EFCAB6: variants seen among roughly 807,000 people sequenced by gnomAD.
The protein encoded by EFCAB6 is EF-hand calcium binding domain 6.
A neutral mutation model predicts 169.8 loss-of-function variants in EFCAB6; 156 were observed. That is an observed-to-expected ratio of 0.92 (90% CI 0.81 to 1.05). The LOEUF is 1.05. EFCAB6 is among the 50% of genes least tolerant of loss of function. EFCAB6 has a pLI of 0.00. For synonymous variants in EFCAB6, 698 were observed against 676.4 expected (o/e 1.03, Z -0.50); for missense variants, 1,800 against 1,829.1 (o/e 0.98, Z 0.29).
At chr22:43,548,974 C>T (rs1189513724) in intron 27 of EFCAB6, among the ~76,000 whole-genome samples, 1 of 152,070 alleles carries the variant, frequency 6.6e-6, no homozygotes, top group African/African-American at 2.4e-5. Flanking sequence ...AAATTAATAA[C>T]TTTAAACATC....
intron 8 of EFCAB6, among the ~76,000 whole-genome samples, chr22:43,724,081 T>C (rs1251053068): frequency 1.3e-5 from 2 of 152,226 alleles, no homozygotes; most frequent in Admixed American, 1.3e-4. Flanking sequence ...TTGTAAGTTT[T>C]ATCTTTGTCA....
At chr22:43,694,552 C>A (rs959736259) in intron 10 of EFCAB6, among the ~76,000 whole-genome samples, 5 of 151,918 alleles carry the variant, frequency 3.3e-5, no homozygotes, top group African/African-American at 1.2e-4. Context: ...AAACAAAATT[C>A]TTAACAAAAT....
intron 27 of EFCAB6, among the ~76,000 whole-genome samples, chr22:43,546,367 T>G (rs1216787643): frequency 1.3e-5 from 2 of 151,742 alleles, no homozygotes; most frequent in Non-Finnish European, 2.9e-5. Flanking sequence ...CCGCCTGGAG[T>G]GCTTGCTAAC....
intron 8 of EFCAB6, among the ~76,000 whole-genome samples, chr22:43,726,147 G>C (rs545793531): frequency 6.6e-6 from 1 of 152,062 alleles, no homozygotes; most frequent in Non-Finnish European, 1.5e-5. Flanking sequence ...TTAAAAATCT[G>C]CTGCCAATTA....
At chr22:43,685,794 GA>G (rs1283087179) in intron 11 of EFCAB6, among the ~76,000 whole-genome samples, 1 of 152,052 alleles carries the variant, frequency 6.6e-6, no homozygotes, top group African/African-American at 2.4e-5. Flanking sequence ...ATTTCTTTAG[GA>G]ATATGGTTCA....
intron 23 of EFCAB6, among the ~76,000 whole-genome samples, chr22:43,591,678 T>G (rs1425267303): frequency 6.6e-6 from 1 of 152,090 alleles, no homozygotes. Flanking sequence ...ACACTCACAG[T>G]GAGGGAGACA....
intron 2 of EFCAB6, chr22:43,802,530 C>A (rs1357551540): frequency 4.0e-5 from 12 of 300,266 alleles, no homozygotes; most frequent in African/African-American, 7.1e-5. Context: ...GACTCTATCT[C>A]AAAAAAAAAA....
intron 2 of EFCAB6, among the ~76,000 whole-genome samples, chr22:43,799,511 A>G (rs190549586): frequency 1.1e-4 from 16 of 152,336 alleles, no homozygotes; most frequent in African/African-American, 3.8e-4. Flanking sequence ...ACCAGTGTCA[A>G]TTTCCCAGTT....
chr22:43,684,401 T>C (rs917432827), intron 11 of EFCAB6, among the ~76,000 whole-genome samples: 1 of 152,130 alleles, frequency 6.6e-6, no homozygotes, highest in Non-Finnish European at 1.5e-5. Context: ...TCAGTGTACA[T>C]GTGTGCTCCT....
chr22:43,533,173 G>A, intron 30 of EFCAB6, among the ~76,000 whole-genome samples: 1 of 152,210 alleles, frequency 6.6e-6, no homozygotes, highest in East Asian at 1.9e-4. Flanking sequence ...CCTCTTCAAA[G>A]AAACAGAGAA....
chr22:43,648,427 GGCCAT>G (rs1175930812), intron 17 of EFCAB6, among the ~76,000 whole-genome samples: 4 of 152,184 alleles, frequency 2.6e-5, no homozygotes, highest in Non-Finnish European at 5.9e-5. Flanking sequence ...TGCAGCTGGA[GGCCAT>G]TATCCTAAGA....
intron 18 of EFCAB6, among the ~76,000 whole-genome samples, chr22:43,633,109 T>G (rs2147897153): frequency 6.6e-6 from 1 of 152,280 alleles, no homozygotes; most frequent in African/African-American, 2.4e-5. Flanking sequence ...GTGGTGAGGC[T>G]CAGGGGTCCC....
At chr22:43,794,868 A>G (rs1287677409) in intron 2 of EFCAB6, among the ~76,000 whole-genome samples, 1 of 152,186 alleles carries the variant, frequency 6.6e-6, no homozygotes, top group East Asian at 1.9e-4. Context: ...TTGATTTACA[A>G]ATATATTCCA....
At chr22:43,551,171 G>A (rs1216052151) in intron 27 of EFCAB6, among the ~76,000 whole-genome samples, 1 of 152,236 alleles carries the variant, frequency 6.6e-6, no homozygotes, top group South Asian at 2.1e-4. Flanking sequence ...GTCTAGACAT[G>A]TTAGGAGTAC....
intron 19 of EFCAB6, among the ~76,000 whole-genome samples, chr22:43,630,459 A>G (rs1368238354): frequency 6.6e-6 from 1 of 152,254 alleles, no homozygotes; most frequent in Non-Finnish European, 1.5e-5. Flanking sequence ...TAAAGATAGG[A>G]AAGCAACGAT....
chr22:43,571,407 G>A (rs1451546540), intron 26 of EFCAB6, among the ~76,000 whole-genome samples: 1 of 152,278 alleles, frequency 6.6e-6, no homozygotes, highest in East Asian at 1.9e-4. Flanking sequence ...CTTACCTCCT[G>A]TGCATCCCCC....
In EFCAB6 at chr22:43,645,183, C is replaced by T. The variant is rs573264386; in HGVS notation, c.1984-9967G>A. On this transcript the variant is annotated intron_variant, in intron 17 of 31. Coordinates refer to ENST00000262726, the MANE Select transcript of EFCAB6 (RefSeq NM_022785.4). ...TCTTTATTTGCTGCTGTTTAAGTTG[C>T]CAACCTCCCTTCCCAATAAAAATTC... Among the ~76,000 whole-genome samples, 20 of 152,306 alleles carry T rather than the reference C, an allele frequency of 1.3e-4. No homozygotes were observed. In the South Asian group the frequency reaches 3.7e-3, roughly 28 times the overall value.
chr22:43,675,803 A>T (rs1430574336), intron 13 of EFCAB6, among the ~76,000 whole-genome samples: 2 of 149,184 alleles, frequency 1.3e-5, no homozygotes, highest in Non-Finnish European at 3.0e-5. Context: ...AATATAATAT[A>T]ACTCTATATA....
At chr22:43,811,838 T>C (rs2063142032) in intron 1 of EFCAB6, among the ~76,000 whole-genome samples, 1 of 152,010 alleles carries the variant, frequency 6.6e-6, no homozygotes, top group African/African-American at 2.4e-5. Flanking sequence ...ATTTAGGGCG[T>C]TTCCACACAC....
Sources: gnomAD v4.1 joint callset for allele counts (sites outside exome capture counted in the v4.1 genomes callset) on GRCh38, gnomAD v4.1.1 for gene constraint, MANE v1.5 for transcripts, NCBI Gene and HGNC (gene_info 2026-07-23, HGNC 2026-07-21) for gene names.